Variants in RASAL2 observed in about 807,000 individuals in gnomAD.
RASAL2 encodes RAS protein activator like 2, also known as ras GTPase-activating protein nGAP.
A neutral mutation model predicts 128.9 loss-of-function variants in RASAL2; 58 were observed. That is an observed-to-expected ratio of 0.45 (90% CI 0.36 to 0.56). The LOEUF is 0.56. RASAL2 is among the 20% of genes least tolerant of loss of function. RASAL2 has a pLI of 0.00. For synonymous variants in RASAL2, 561 were observed against 580.8 expected, an observed-to-expected ratio of 0.97 and a Z score of 0.49; for missense variants, 1,360 against 1,601.6, an observed-to-expected ratio of 0.85 and a Z score of 2.57.
rs188178380 is a variant in RASAL2, at chr1:178,182,310, C to G, written c.202+87616C>G. On this transcript the variant is annotated intron_variant, in intron 1 of 17. Transcript: ENST00000367649. ...TTACTTTTTGGCACTACAAGATGCTCCAGGCCCATCTTACATATTTCCTGT... is the reference window on the plus strand; with the variant it reads ...TTACTTTTTGGCACTACAAGATGCTGCAGGCCCATCTTACATATTTCCTGT... Among the ~76,000 whole-genome samples the G allele has an allele frequency of 3.2e-4, 48 of 152,278 alleles. No individual in the cohort carries two copies. In the East Asian group the frequency reaches 8.3e-3, roughly 26 times the overall value.
chr1:178,257,690 C>G lies in RASAL2; in HGVS notation c.203-25874C>G, dbSNP rs192860392. 2.5e-3 allele frequency among the ~76,000 whole-genome samples: 375 copies of G among 151,720 alleles called. 1 individual carries two copies. The highest frequency in any genetic ancestry group is 8.8e-3 in the African/African-American group (364 of 41,398). The stretch of plus-strand genomic sequence containing the variant: ...CAAAACCCCACCTCTACCAAAAATA[C>G]AAAAAATTAGGCTTGGTGGCGTGTG... On this transcript the variant is annotated intron_variant, in intron 1 of 17. Coordinates refer to ENST00000367649, the MANE Select transcript of RASAL2 (RefSeq NM_170692.4).
At chr1:178,399,346 A>G (rs1468044333) in intron 4 of RASAL2, among the ~76,000 whole-genome samples, 4 of 148,076 alleles carry the variant, frequency 2.7e-5, no homozygotes, top group Non-Finnish European at 4.5e-5. Context: ...TTACAGGTAG[A>G]TAGAAACCAC....
rs543418895 is a variant in RASAL2, at chr1:178,365,563, C to A, written c.458-24537C>A. 6.6e-5 allele frequency among the ~76,000 whole-genome samples: 10 copies of A among 152,244 alleles called. No homozygotes were observed. In the South Asian group the frequency reaches 8.3e-4, roughly 13 times the overall value. On this transcript the variant is annotated intron_variant, in intron 3 of 17. Transcript: ENST00000367649. ...CTAGGCTCACTGCAACCTCTGCCTC[C>A]CGGCATCAAGTGATTCTCCTGCCTC...
In RASAL2 at chr1:178,445,656, G is replaced by A. The variant is rs757727946; in HGVS notation, c.1621G>A (p.Ala541Thr). The A allele has an allele frequency of 5.0e-6, 8 of 1,609,340 alleles. No individual in the cohort carries two copies. The highest frequency in any genetic ancestry group is 1.7e-4 in the Middle Eastern group (1 of 6,042). The stretch of plus-strand genomic sequence containing the variant: ...GGTGGGACAACAGTATCTTCATGAC[G>A]CACTGGGTATGAAAGAGAAAAACAT... Reference protein sequence around the residue: ...KLVGQQYLHDALGEFIKALYE... With the variant: ...KLVGQQYLHDTLGEFIKALYE... Residue 541 changes from alanine to threonine, a missense_variant, in exon 9 of 18, where the codon GCA becomes ACA. Ala to Thr is a moderately conservative substitution (Grantham distance 58). Transcript: ENST00000367649.
intron 1 of RASAL2, among the ~76,000 whole-genome samples, chr1:178,096,464 T>TTGTGTG (rs57531713): frequency 7.0e-4 from 104 of 148,468 alleles, no homozygotes; most frequent in Non-Finnish European, 1.1e-3. Context: ...ATTGTATATT[T>TTGTGTG]TGTGTGTGTG....
chr1:178,404,626 A>G (rs1157197934), intron 4 of RASAL2, among the ~76,000 whole-genome samples: 1 of 144,846 alleles, frequency 6.9e-6, no homozygotes, highest in Non-Finnish European at 1.5e-5. Context: ...TGATCCGCCC[A>G]CCTCGGCCTC....
rs934025870 is a variant in RASAL2 at position 178,456,625 on chromosome 1, C to T, written c.2212-96C>T. On this transcript the variant is annotated intron_variant, in intron 12 of 17. Transcript: ENST00000367649. ...AACACTTACCCTTCCCTCCAACCTA[C>T]ACCCCTCCATCAATGGCCATCGTTG... 4.6e-6 allele frequency: 6 copies of T among 1,309,032 alleles called. No homozygotes were observed. The East Asian group carries it at 6.9e-5, about 15-fold the overall frequency. 81.1% of individuals were successfully genotyped at this position (1,309,032 alleles called of 1,614,324 possible).
chr1:178,369,582 T>C (rs1671591792), intron 3 of RASAL2, among the ~76,000 whole-genome samples: 4 of 152,032 alleles, frequency 2.6e-5, no homozygotes, highest in Non-Finnish European at 5.9e-5. Flanking sequence ...GCTGGATTAT[T>C]TTGATGACCT....
At chr1:178,377,108 A>G (rs1318781732) in intron 3 of RASAL2, among the ~76,000 whole-genome samples, 1 of 152,142 alleles carries the variant, frequency 6.6e-6, no homozygotes, top group Admixed American at 6.5e-5. Context: ...AATTTATGTG[A>G]TGGAATAGTT....
At chr1:178,137,667 G>C (rs986117779) in intron 1 of RASAL2, among the ~76,000 whole-genome samples, 2 of 152,130 alleles carry the variant, frequency 1.3e-5, no homozygotes, top group Non-Finnish European at 2.9e-5. Context: ...AAAAGTTTTG[G>C]AATTTCATTT....
At chr1:178,099,019 T>G (rs1181818723) in intron 1 of RASAL2, among the ~76,000 whole-genome samples, 1 of 152,212 alleles carries the variant, frequency 6.6e-6, no homozygotes, top group African/African-American at 2.4e-5. Flanking sequence ...TTGTATTATA[T>G]GATACTGCTT....
chr1:178,308,539 CTTT>C (rs576125039), intron 3 of RASAL2, among the ~76,000 whole-genome samples: 7 of 129,980 alleles, frequency 5.4e-5, no homozygotes, highest in Non-Finnish European at 8.2e-5. Flanking sequence ...CAAACATTAG[CTTT>C]TTTTTTTTTT....
chr1:178,164,302 T>C (rs926183509), intron 1 of RASAL2, among the ~76,000 whole-genome samples: 1 of 152,180 alleles, frequency 6.6e-6, no homozygotes, highest in African/African-American at 2.4e-5. Context: ...ACTCCAATTA[T>C]AACATGTTAT....
chr1:178,094,421 A>T lies in RASAL2; in HGVS notation c.-72A>T, dbSNP rs1266949959. The T allele has an allele frequency of 7.2e-6, 10 of 1,382,670 alleles. No individual in the cohort carries two copies. The East Asian group carries it at 1.8e-4, about 25-fold the overall frequency. 85.7% of individuals were successfully genotyped at this position (1,382,670 alleles called of 1,614,324 possible). A position where few individuals can be genotyped will look rare whatever the true frequency, so the allele number is the denominator to read the frequency against. On this transcript the variant is annotated 5_prime_UTR_variant, in exon 1 of 18. Transcript: ENST00000367649. ...CGCGCTCTCCTCCTCCCCTTACCGC[A>T]GGCAGGGCGCGGAGCCGCGCGCCAG...
chr1:178,335,764 C>G (rs76093383), intron 3 of RASAL2, among the ~76,000 whole-genome samples: 2 of 152,100 alleles, frequency 1.3e-5, no homozygotes, highest in Non-Finnish European at 2.9e-5. Flanking sequence ...TTCAGTACAT[C>G]GTTCCAATAA....
At position 178,185,785 on chromosome 1, in the gene RASAL2, G is replaced by A. The variant is rs1662271370; in HGVS notation, c.202+91091G>A. ...TCCTATGAAATGCTGGATATGATTT[G>A]CTAATATTTTGTTGAGAGTCTTTAT... On this transcript the variant is annotated intron_variant, in intron 1 of 17. Transcript: ENST00000367649. Among the ~76,000 whole-genome samples, 3 of 152,036 alleles carry A rather than the reference G, an allele frequency of 2.0e-5. No individual in the cohort carries two copies. In the South Asian group the frequency reaches 6.2e-4, roughly 31 times the overall value.
chr1:178,388,119 T>C (rs1412887387), intron 3 of RASAL2, among the ~76,000 whole-genome samples: 10 of 152,180 alleles, frequency 6.6e-5, no homozygotes, highest in Non-Finnish European at 1.5e-4. Flanking sequence ...ATCTCCAGTG[T>C]CTTCTAATTT....
At position 178,339,859 on chromosome 1, in the gene RASAL2, A is replaced by T. The variant is rs373408395; in HGVS notation, c.457+39741A>T. 7.2e-4 allele frequency among the ~76,000 whole-genome samples: 110 copies of T among 152,330 alleles called. 1 individual carries two copies. Among genetic ancestry groups the T allele is most frequent in the Non-Finnish European group, 1.2e-3 (82 of 68,030 alleles). On this transcript the variant is annotated intron_variant, in intron 3 of 17. Coordinates refer to ENST00000367649, the MANE Select transcript of RASAL2 (RefSeq NM_170692.4). ...GTCAAAAAATAGTCAAATATCAGCA[A>T]TGGTCAAGTGAATAATAAGAAAAAT...
intron 3 of RASAL2, among the ~76,000 whole-genome samples, chr1:178,383,299 T>G (rs868106728): frequency 1.3e-5 from 2 of 152,172 alleles, no homozygotes; most frequent in Non-Finnish European, 2.9e-5. Context: ...AAAGTGGCTC[T>G]GGGGATTTGT....
Sources: gnomAD v4.1 joint callset for allele counts (sites outside exome capture counted in the v4.1 genomes callset) on GRCh38, gnomAD v4.1.1 for gene constraint, MANE v1.5 for transcripts, NCBI Gene and HGNC (gene_info 2026-07-23, HGNC 2026-07-21) for gene names.